Variants in AKT2 observed in about 807,000 individuals in gnomAD.
The protein encoded by AKT2 is RAC-beta serine/threonine-protein kinase.
A neutral mutation model predicts 58.6 loss-of-function variants in AKT2; 16 were observed. That is an observed-to-expected ratio of 0.27 (90% CI 0.18 to 0.41). The LOEUF (loss-of-function observed/expected upper bound fraction) is 0.41, where lower values mean the gene tolerates loss of function less well. AKT2 is among the 10% of genes least tolerant of loss of function. The pLI, the probability that AKT2 is intolerant of heterozygous loss-of-function variation, is 1.00. For missense variants in AKT2, 438 were observed against 661.0 expected, an observed-to-expected ratio of 0.66 and a Z score of 3.70; for synonymous variants, 253 against 254.0, an observed-to-expected ratio of 1.00 and a Z score of 0.04.
At chr19:40,275,769 G>C (rs2077305465) in intron 1 of AKT2, among the ~76,000 whole-genome samples, 5 of 100,898 alleles carry the variant, frequency 5.0e-5, no homozygotes, top group African/African-American at 1.4e-4. Flanking sequence ...GAGGCTGGGG[G>C]GGGGGGGGGT....
At position 40,235,325 on chromosome 19, in the gene AKT2, T is replaced by G; in HGVS notation, c.1201A>C (p.Lys401Gln). Residue 401 changes from lysine to glutamine, a missense_variant, in exon 12 of 14, where the codon AAG becomes CAG. Physicochemically the swap from Lys to Gln is moderately conservative, Grantham distance 53 (BLOSUM62 1). Transcript: ENST00000392038. The surrounding 1 kb of genome is among the most constrained non-coding windows in gnomAD (Gnocchi z 6.3). ...QRLGGGPSDAKEVMEHRFFLS... is the reference protein window; with the variant it reads ...QRLGGGPSDAQEVMEHRFFLS... ...AAGAACCTGTGCTCCATGACCTCCT[T>G]GGCATCGCTGGGCCCCCCACCAAGC... 6.2e-7 allele frequency: 1 copy of G among 1,613,896 alleles called. No homozygotes were observed. Among genetic ancestry groups the G allele is most frequent in the Non-Finnish European group, 8.5e-7 (1 of 1,179,996 alleles).
intron 1 of AKT2, chr19:40,266,449 T>A (rs1452371584): frequency 1.3e-5 from 2 of 151,400 alleles, no homozygotes; most frequent in South Asian, 2.1e-4. Context: ...AGAAGGGAGG[T>A]AAGTGGTAGG....
In AKT2 at chr19:40,233,948, T is replaced by C. The variant is rs1468068048; in HGVS notation, c.1370A>G (p.Asp457Gly). Residue 457 changes from aspartate (D) to glycine (G), a missense_variant, in exon 14 of 14, where the codon GAC becomes GGC. Asp to Gly is a moderately conservative substitution (Grantham distance 94, BLOSUM62 -1). Coordinates refer to ENST00000392038, the MANE Select transcript of AKT2 (RefSeq NM_001626.6). This position sits in a 1 kb window ranked among gnomAD's most constrained non-coding sequence, Gnocchi z 4.3. ...SITITPPDRY[D>G]SLGLLELDQR... ...GTCCAGCTCCAGTAAGCCCAGGCTG[T>C]CATCTGTGGGCGGCAGAGGTGGATG... The C allele has an allele frequency of 2.5e-6, 4 of 1,610,892 alleles. No homozygotes were observed. The African/African-American group carries it at 4.0e-5, about 16-fold the overall frequency.
intron 9 of AKT2, 73 bp from the exon 10 acceptor site, chr19:40,236,458 G>A (rs1207031470): frequency 1.2e-6 from 2 of 1,604,502 alleles, no homozygotes; most frequent in African/African-American, 2.7e-5. Flanking sequence ...TCCTTCCAGG[G>A]AAAGATGCCC....
In AKT2 at chr19:40,242,305, C is replaced by T. The variant is rs76682828; in HGVS notation, c.441+229G>A. The T allele has an allele frequency of 2.3e-6, 2 of 867,908 alleles. No homozygotes were observed. The highest frequency in any genetic ancestry group is 1.7e-5 in the African/African-American group (1 of 59,914). 53.8% of individuals were successfully genotyped at this position (867,908 alleles called of 1,614,324 possible). ...TGACGTGGGGGTAGCCAGGTCTTCA[C>T]CAACTCCCAGGACGAACCTGCAGTG... On this transcript the variant is annotated intron_variant, in intron 5 of 13. Transcript: ENST00000392038. The surrounding 1 kb of genome is among the most constrained non-coding windows in gnomAD (Gnocchi z 4.3).
intron 6 of AKT2, 80 bp downstream of exon 6, chr19:40,241,858 G>C: frequency 1.3e-6 from 2 of 1,598,574 alleles, no homozygotes; most frequent in Non-Finnish European, 1.7e-6. Flanking sequence ...GAAAGCGCGG[G>C]TAAGCGTCCA....
rs1976272494 is a variant in AKT2 at position 40,265,349 on chromosome 19, A to C, written c.-82T>G. ...GCAGGAGGCACCGTGGACAGGGCAC[A>C]GTCTGCAAGACAAGAGAGGAGCTGG... is the stretch of plus-strand genomic sequence containing the variant. On this transcript the variant is annotated splice_region_variant and 5_prime_UTR_variant, in exon 2 of 14. Coordinates refer to ENST00000392038, the MANE Select transcript of AKT2 (RefSeq NM_001626.6). 1 of 1,570,812 alleles carries C rather than the reference A, an allele frequency of 6.4e-7. No homozygotes were observed. The highest frequency in any genetic ancestry group is 1.2e-5 in the South Asian group (1 of 86,876).
chr19:40,284,114 G>T (rs2077471212), intron 1 of AKT2, among the ~76,000 whole-genome samples: 1 of 152,154 alleles, frequency 6.6e-6, no homozygotes, highest in African/African-American at 2.4e-5. Flanking sequence ...AGTTACTCCA[G>T]CCCAGGCGTC....
intron 1 of AKT2, 137 bp downstream of exon 1, chr19:40,285,044 T>A (rs1182093326): frequency 6.4e-6 from 2 of 310,260 alleles, no homozygotes; most frequent in Non-Finnish European, 1.2e-5. Flanking sequence ...CCACCCCCAC[T>A]CAGCTCCTGA....
chr19:40,235,048 G>A lies in AKT2; in HGVS notation c.1363C>T (p.Arg455Cys), dbSNP rs757239082. 18 of 1,613,890 alleles carry A rather than the reference G, an allele frequency of 1.1e-5. No individual in the cohort carries two copies. The highest frequency in any genetic ancestry group is 5.5e-5 in the South Asian group (5 of 91,082). ...AQSITITPPDRYDSLGLLELD... is the reference protein window; with the variant it reads ...AQSITITPPDCYDSLGLLELD... ...CGCGGGGGCCCCAGGCACTCACAGC[G>A]GTCAGGGGGTGTGATTGTGATGGAC... Residue 455 changes from arginine to cysteine, a missense_variant, in exon 13 of 14, where the codon CGC becomes TGC. Transcript: ENST00000392038. The surrounding 1 kb of genome is among the most constrained non-coding windows in gnomAD (Gnocchi z 6.3).
chr19:40,249,885 G>C (rs1490051932), intron 4 of AKT2, among the ~76,000 whole-genome samples: 1 of 152,238 alleles, frequency 6.6e-6, no homozygotes, highest in East Asian at 1.9e-4. Flanking sequence ...GACAGCGAAG[G>C]GAGGCAGGGC....
chr19:40,250,047 C>T (rs1975034110), intron 4 of AKT2, among the ~76,000 whole-genome samples: 1 of 152,166 alleles, frequency 6.6e-6, no homozygotes, highest in Non-Finnish European at 1.5e-5. Flanking sequence ...TAAGGAACAG[C>T]AAGGAGACAC....
chr19:40,262,929 C>A (rs1303521466), intron 2 of AKT2, among the ~76,000 whole-genome samples: 1 of 152,236 alleles, frequency 6.6e-6, no homozygotes, highest in Non-Finnish European at 1.5e-5. Context: ...ACCTTGCCCA[C>A]CTCTGCCAGC....
Position 40,242,171 on chromosome 19 carries a change from A to G in AKT2, c.442-102T>C. The G allele has an allele frequency of 6.5e-7, 1 of 1,538,958 alleles. No individual in the cohort carries two copies. Among genetic ancestry groups the G allele is most frequent in the Non-Finnish European group, 8.9e-7 (1 of 1,127,016 alleles). On this transcript the variant is annotated intron_variant, in intron 5 of 13. Transcript: ENST00000392038. The surrounding 1 kb of genome is among the most constrained non-coding windows in gnomAD (Gnocchi z 4.3). ...AGGAAAACCAAAAGACACTGTTGCC[A>G]AACGGCTTAGGCTGGAGCAGGAAGG... is the stretch of plus-strand genomic sequence containing the variant.
intron 4 of AKT2, among the ~76,000 whole-genome samples, chr19:40,246,930 C>T (rs1974792800): frequency 6.6e-6 from 1 of 152,244 alleles, no homozygotes. Flanking sequence ...GAGCACCGCG[C>T]GCAGGGCGGG....
intron 1 of AKT2, among the ~76,000 whole-genome samples, chr19:40,284,263 G>C (rs2077474743): frequency 6.6e-6 from 1 of 152,152 alleles, no homozygotes; most frequent in Non-Finnish European, 1.5e-5. Flanking sequence ...ACAAGCGGGT[G>C]CAGGGGCACG....
At chr19:40,250,832 CA>C (rs1261366113) in intron 4 of AKT2, among the ~76,000 whole-genome samples, 1 of 151,270 alleles carries the variant, frequency 6.6e-6, no homozygotes, top group African/African-American at 2.4e-5. Context: ...AAAACAACAA[CA>C]AAAAGATCAT....
rs1975348287 is a variant in AKT2, at chr19:40,253,898, T to A, written c.287+1260A>T. 2.7e-5 allele frequency among the ~76,000 whole-genome samples: 4 copies of A among 148,706 alleles called. 1 individual carries two copies. In the South Asian group the frequency reaches 8.5e-4, roughly 32 times the overall value. On this transcript the variant is annotated intron_variant, in intron 4 of 13. Coordinates refer to ENST00000392038, the MANE Select transcript of AKT2 (RefSeq NM_001626.6). Reference sequence around the variant, plus strand: ...AAACATGAAACAAAGCAGCTGCATCTCTCCATATATCAAGGCAAATTCCCC... The same window carrying A: ...AAACATGAAACAAAGCAGCTGCATCACTCCATATATCAAGGCAAATTCCCC...
intron 1 of AKT2, among the ~76,000 whole-genome samples, chr19:40,277,851 G>T (rs2077354731): frequency 6.6e-6 from 1 of 152,224 alleles, no homozygotes; most frequent in Non-Finnish European, 1.5e-5. Context: ...GCACATAGAA[G>T]TGATTCAATC....
Sources: gnomAD v4.1 joint callset for allele counts (sites outside exome capture counted in the v4.1 genomes callset) on GRCh38, gnomAD v4.1.1 for gene constraint, Gnocchi (gnomAD v3.1) non-coding constraint, MANE v1.5 for transcripts, NCBI Gene and HGNC (gene_info 2026-07-23, HGNC 2026-07-21) for gene names.